Variants in ATP2C2 observed in about 807,000 individuals in gnomAD.
The protein encoded by ATP2C2 is calcium-transporting ATPase type 2C member 2.
In ATP2C2, 171 loss-of-function variants were observed where a neutral mutation model predicts 110.8. The observed-to-expected ratio is 1.54, with a 90% CI of 1.36 to 1.75. The LOEUF (loss-of-function observed/expected upper bound fraction) is 1.75, where lower values mean the gene tolerates loss of function less well. ATP2C2 is among the 40% of genes most tolerant of loss of function. The pLI, the probability that ATP2C2 is intolerant of heterozygous loss-of-function variation, is 0.00. For synonymous variants in ATP2C2, 804 were observed against 508.4 expected, an observed-to-expected ratio of 1.58 and a Z score of -7.82; for missense variants, 1,963 against 1,235.0, an observed-to-expected ratio of 1.59 and a Z score of -8.84.
At chr16:84,410,036 G>A (rs1040044854) in intron 4 of ATP2C2, among the ~76,000 whole-genome samples, 4 of 152,026 alleles carry the variant, frequency 2.6e-5, no homozygotes, top group African/African-American at 4.8e-5. Context: ...GTGAAAGCCC[G>A]TCTCTACAAA....
intron 10 of ATP2C2, 59 bp downstream of exon 10, chr16:84,423,322 G>A: frequency 6.6e-7 from 1 of 1,521,366 alleles, no homozygotes; most frequent in South Asian, 1.1e-5. Flanking sequence ...GCCATCATAG[G>A]GGGGTTGCCA....
At chr16:84,440,544 G>A (rs1019598999) in intron 13 of ATP2C2, among the ~76,000 whole-genome samples, 2 of 152,164 alleles carry the variant, frequency 1.3e-5, no homozygotes, top group Non-Finnish European at 1.5e-5. Context: ...AGGCTAACAC[G>A]TTTACCCAGC....
chr16:84,445,155 A>C (rs905260923), intron 15 of ATP2C2, among the ~76,000 whole-genome samples: 20 of 151,716 alleles, frequency 1.3e-4, no homozygotes, highest in Non-Finnish European at 2.5e-4. Flanking sequence ...TCTCACACCA[A>C]GCTCTGTCTC....
chr16:84,393,387 G>A (rs912726351), intron 1 of ATP2C2, among the ~76,000 whole-genome samples: 40 of 152,040 alleles, frequency 2.6e-4, no homozygotes, highest in African/African-American at 8.7e-4. Flanking sequence ...CCAACCCAGG[G>A]ACTCTGTTTC....
rs1415326363 is a variant in ATP2C2, at chr16:84,411,934, C to T, written c.515+1169C>T. On this transcript the variant is annotated intron_variant, in intron 6 of 26. Coordinates refer to ENST00000262429, the MANE Select transcript of ATP2C2 (RefSeq NM_014861.4). The stretch of plus-strand genomic sequence containing the variant: ...TTTTCCTTTTTCTTTTCTTTCTTTC[C>T]TTTCTTTTCTTTTCTTTCTTTTCTT... Among the ~76,000 whole-genome samples the T allele has an allele frequency of 5.9e-5, 9 of 151,704 alleles. No homozygotes were observed. The South Asian group carries it at 1.7e-3, about 28-fold the overall frequency.
chr16:84,428,801 A>C (rs1597817987), intron 11 of ATP2C2, among the ~76,000 whole-genome samples: 1 of 152,206 alleles, frequency 6.6e-6, no homozygotes, highest in Non-Finnish European at 1.5e-5. Context: ...ACAAGAAAAA[A>C]AGCTGTACTC....
intron 17 of ATP2C2, among the ~76,000 whole-genome samples, chr16:84,449,032 G>T (rs1910016678): frequency 6.6e-6 from 1 of 152,202 alleles, no homozygotes; most frequent in Non-Finnish European, 1.5e-5. Context: ...GTTCTTTTCA[G>T]TCAAGGAACA....
chr16:84,406,457 G>T (rs142052315), intron 3 of ATP2C2: 126 of 360,528 alleles, frequency 3.5e-4, no homozygotes, highest in Middle Eastern at 2.8e-3. Flanking sequence ...GCTGCCCCAG[G>T]CTTCAACCGC....
At chr16:84,385,295 G>C (rs1323096369) in intron 1 of ATP2C2, among the ~76,000 whole-genome samples, 2 of 152,112 alleles carry the variant, frequency 1.3e-5, no homozygotes, top group Non-Finnish European at 2.9e-5. Flanking sequence ...GATCTCACGA[G>C]AACTCACATT....
At chr16:84,394,685 C>T (rs1388591330) in intron 1 of ATP2C2, among the ~76,000 whole-genome samples, 1 of 152,104 alleles carries the variant, frequency 6.6e-6, no homozygotes, top group African/African-American at 2.4e-5. Context: ...TTCAAGCTTC[C>T]ATCATGGCCA....
intron 2 of ATP2C2, among the ~76,000 whole-genome samples, chr16:84,399,350 C>A (rs74767523): frequency 0.029 from 4,379 of 152,284 alleles, 179 homozygotes; most frequent in African/African-American, 0.092. Flanking sequence ...TCTCTGCCTG[C>A]ATATTATCCC....
At chr16:84,433,055 C>G (rs1908420319) in intron 11 of ATP2C2, among the ~76,000 whole-genome samples, 1 of 152,130 alleles carries the variant, frequency 6.6e-6, no homozygotes, top group South Asian at 2.1e-4. Flanking sequence ...CCAGAGAACA[C>G]AGGACTCTCA....
chr16:84,398,885 A>G (rs1008198272), intron 2 of ATP2C2, among the ~76,000 whole-genome samples: 1 of 152,200 alleles, frequency 6.6e-6, no homozygotes, highest in South Asian at 2.1e-4. Context: ...ATTTCTTGGC[A>G]AAAACATAAA....
intron 11 of ATP2C2, among the ~76,000 whole-genome samples, chr16:84,433,904 G>A (rs1204743337): frequency 1.3e-5 from 2 of 152,116 alleles, no homozygotes; most frequent in East Asian, 1.9e-4. Flanking sequence ...TGCAGCACGG[G>A]CATCCCGCTT....
chr16:84,437,681 A>G (rs1908868990), intron 11 of ATP2C2, among the ~76,000 whole-genome samples: 2 of 151,964 alleles, frequency 1.3e-5, no homozygotes, highest in Admixed American at 6.6e-5. Context: ...ACACCTGGCT[A>G]ATTTTTGTAT....
At chr16:84,421,815 C>A (rs1476123666) in intron 7 of ATP2C2, among the ~76,000 whole-genome samples, 1 of 152,160 alleles carries the variant, frequency 6.6e-6, no homozygotes, top group Non-Finnish European at 1.5e-5. Flanking sequence ...GTAGAGTCTT[C>A]CATTGGGGGT....
intron 11 of ATP2C2, among the ~76,000 whole-genome samples, chr16:84,426,216 C>T (rs1378388548): frequency 1.3e-5 from 2 of 152,094 alleles, no homozygotes; most frequent in African/African-American, 4.8e-5. Flanking sequence ...AGGCATGTCA[C>T]ATGGCAAGAG....
rs371738364 is a variant in ATP2C2, at chr16:84,415,606, A to T, written c.624+15A>T. 2.1e-5 allele frequency: 33 copies of T among 1,594,614 alleles called. No individual in the cohort carries two copies. Among genetic ancestry groups the T allele is most frequent in the Non-Finnish European group, 2.7e-5 (31 of 1,166,742 alleles). Reference sequence around the variant, plus strand: ...GACTCACTGAGGTGAGTGGTTCCAAACCCTTGTCAATGGGGTATTTGATGG... The same window carrying T: ...GACTCACTGAGGTGAGTGGTTCCAATCCCTTGTCAATGGGGTATTTGATGG... On this transcript the variant is annotated intron_variant, in intron 7 of 26. Transcript: ENST00000262429.
chr16:84,447,758 C>T (rs11861892), intron 16 of ATP2C2, among the ~76,000 whole-genome samples: 55,666 of 139,510 alleles, frequency 0.4, 11,183 homozygotes, highest in East Asian at 0.67. Context: ...ATATAATATA[C>T]ATATAAATAA....
Sources: gnomAD v4.1 joint callset for allele counts (sites outside exome capture counted in the v4.1 genomes callset) on GRCh38, gnomAD v4.1.1 for gene constraint, MANE v1.5 for transcripts, NCBI Gene and HGNC (gene_info 2026-07-23, HGNC 2026-07-21) for gene names.